RABGAP1L: variants seen among roughly 807,000 people sequenced by gnomAD.
The protein encoded by RABGAP1L is rab GTPase-activating protein 1-like.
Under a neutral mutation model 137.7 loss-of-function variants are expected in RABGAP1L, and 63 were observed. The observed-to-expected ratio is 0.46, with a 90% CI of 0.37 to 0.56. The LOEUF (loss-of-function observed/expected upper bound fraction) is 0.56, where lower values mean the gene tolerates loss of function less well. RABGAP1L is among the 20% of genes least tolerant of loss of function. The pLI, the probability that RABGAP1L is intolerant of heterozygous loss-of-function variation, is 0.00. For missense variants in RABGAP1L, 1,095 were observed against 1,244.0 expected (o/e 0.88, Z 1.80); for synonymous variants, 431 against 433.7 (o/e 0.99, Z 0.08).
At chr1:174,723,191 C>T (rs916071412) in intron 17 of RABGAP1L, among the ~76,000 whole-genome samples, 2 of 152,310 alleles carry the variant, frequency 1.3e-5, no homozygotes, top group Admixed American at 6.5e-5. Context: ...TCTCCTGCCT[C>T]AGCCTCCCAA....
intron 19 of RABGAP1L, among the ~76,000 whole-genome samples, chr1:174,885,267 TTTAAA>T (rs1654887693): frequency 1.3e-5 from 2 of 152,190 alleles, no homozygotes; most frequent in Non-Finnish European, 1.5e-5. Flanking sequence ...TAAGTTTAAA[TTTAAA>T]TTAAATCAGT....
chr1:174,238,437 A>G (rs1051275121), intron 4 of RABGAP1L, among the ~76,000 whole-genome samples: 29 of 152,112 alleles, frequency 1.9e-4, no homozygotes, highest in African/African-American at 7.0e-4. Context: ...TGATGTACAG[A>G]TGGGTTTTTG....
intron 13 of RABGAP1L, among the ~76,000 whole-genome samples, chr1:174,598,352 C>G (rs1670141262): frequency 6.9e-6 from 1 of 144,250 alleles, no homozygotes; most frequent in Admixed American, 6.9e-5. Flanking sequence ...AAAAAATGGT[C>G]TGTCTTTGAG....
chr1:174,778,086 A>G (rs1686673772), intron 18 of RABGAP1L, among the ~76,000 whole-genome samples: 1 of 152,196 alleles, frequency 6.6e-6, no homozygotes, highest in Non-Finnish European at 1.5e-5. Context: ...CAAAAGAAAT[A>G]TGAAGAAAAC....
At chr1:174,554,816 T>C (rs908169902) in intron 13 of RABGAP1L, among the ~76,000 whole-genome samples, 1 of 152,176 alleles carries the variant, frequency 6.6e-6, no homozygotes, top group Admixed American at 6.6e-5. Flanking sequence ...AAGTCATTTT[T>C]AAATTTAGTT....
At chr1:174,713,413 T>C (rs1680744660) in intron 17 of RABGAP1L, among the ~76,000 whole-genome samples, 1 of 152,232 alleles carries the variant, frequency 6.6e-6, no homozygotes, top group African/African-American at 2.4e-5. Flanking sequence ...TCTCCATTGC[T>C]GGAGGTGAGG....
At chr1:174,642,866 C>A (rs981818076) in intron 14 of RABGAP1L, among the ~76,000 whole-genome samples, 1 of 150,778 alleles carries the variant, frequency 6.6e-6, no homozygotes, top group Non-Finnish European at 1.5e-5. Context: ...TTCATTGCAA[C>A]TTCAGCATCC....
intron 13 of RABGAP1L, among the ~76,000 whole-genome samples, chr1:174,635,272 C>CTGCGGGCCA (rs1163349045): frequency 6.6e-6 from 1 of 152,026 alleles, no homozygotes; most frequent in African/African-American, 2.4e-5. Flanking sequence ...AAGAGTTATC[C>CTGCGGGCCA]TGCGGGCCAA....
chr1:174,745,548 T>C (rs770699936), intron 17 of RABGAP1L, among the ~76,000 whole-genome samples: 3 of 152,244 alleles, frequency 2.0e-5, no homozygotes, highest in Non-Finnish European at 4.4e-5. Context: ...TTTAGTCTGA[T>C]AGACCTGAGT....
At chr1:174,216,372 T>C (rs971563319) in intron 1 of RABGAP1L, among the ~76,000 whole-genome samples, 10 of 152,160 alleles carry the variant, frequency 6.6e-5, no homozygotes, top group African/African-American at 2.2e-4. Context: ...GTGATTATTA[T>C]GCATTTCATG....
rs1669930842 is a variant in RABGAP1L at position 174,969,282 on chromosome 1, G to T, written c.2439G>T (p.Glu813Asp). ...QEDPMDRYKRENRRLQEASMR... is the reference protein window; with the variant it reads ...QEDPMDRYKRDNRRLQEASMR... ...TGGCTATTGTTCTTCTGCAGAGGGAGAACCGAAGATTACAGGAGGCCAGCA... is the reference window on the plus strand; with the variant it reads ...TGGCTATTGTTCTTCTGCAGAGGGATAACCGAAGATTACAGGAGGCCAGCA... The change falls in exon 21 of 26, where the codon GAG becomes GAT. Residue 813 changes from glutamate (E) to aspartate (D), a missense_variant. Physicochemically the swap from Glu to Asp is conservative, Grantham distance 45 (BLOSUM62 2). Around this residue, in one of 4 missense-constraint regions of RABGAP1L, gnomAD observed 312 missense variants for 435.6 expected, o/e 0.72. Transcript: ENST00000681986. 1 of 1,550,522 alleles carries T rather than the reference G, an allele frequency of 6.4e-7. No individual in the cohort carries two copies. Among genetic ancestry groups the T allele is most frequent in the Admixed American group, 2.0e-5 (1 of 51,000 alleles).
intron 13 of RABGAP1L, among the ~76,000 whole-genome samples, chr1:174,459,187 C>T (rs1571904646): frequency 6.6e-6 from 1 of 152,142 alleles, no homozygotes; most frequent in East Asian, 1.9e-4. Context: ...AAAATTAAGC[C>T]ATTTTAAAAA....
rs1664234746 is a variant in RABGAP1L, at chr1:174,159,575, G to C, written c.-116G>C. On this transcript the variant is annotated 5_prime_UTR_variant, in exon 1 of 26. Transcript: ENST00000681986. ...GTGGCGGAGCGAACGGGACCGGCCC[G>C]GCTTCAGAGCGCGAGGTGGAGGGTG... 1 of 152,402 alleles carries C rather than the reference G, an allele frequency of 6.6e-6. No individual in the cohort carries two copies. Among genetic ancestry groups the C allele is most frequent in the Admixed American group, 6.5e-5 (1 of 15,288 alleles). The allele number at this position is 152,402 out of a possible 1,614,324, so 9.4% of individuals were successfully genotyped here.
At chr1:174,891,898 G>GA (rs1159447882) in intron 19 of RABGAP1L, among the ~76,000 whole-genome samples, 3 of 152,162 alleles carry the variant, frequency 2.0e-5, no homozygotes, top group African/African-American at 7.2e-5. Context: ...AATAAAAACT[G>GA]AAACACAGAA....
chr1:174,219,006 C>T (rs775279404), intron 1 of RABGAP1L, 119 bp from the exon 2 acceptor site: 4 of 755,596 alleles, frequency 5.3e-6, no homozygotes, highest in Non-Finnish European at 8.1e-6. Flanking sequence ...AGATAATTAT[C>T]TAGCCAGCAG....
intron 13 of RABGAP1L, among the ~76,000 whole-genome samples, chr1:174,597,338 A>C (rs112305430): frequency 1.5e-4 from 23 of 152,172 alleles, no homozygotes; most frequent in African/African-American, 4.8e-4. Context: ...TGAAGCCATC[A>C]TTTTCTGGGA....
At chr1:174,457,748 C>G (rs1656209640) in intron 13 of RABGAP1L, among the ~76,000 whole-genome samples, 1 of 152,106 alleles carries the variant, frequency 6.6e-6, no homozygotes, top group Non-Finnish European at 1.5e-5. Context: ...AGTGATCCAC[C>G]TGCCCTGGTC....
At chr1:174,604,180 C>A (rs1670613744) in intron 13 of RABGAP1L, among the ~76,000 whole-genome samples, 1 of 152,136 alleles carries the variant, frequency 6.6e-6, no homozygotes, top group South Asian at 2.1e-4. Context: ...GACCCCAAAG[C>A]ACTTTAGTTC....
intron 10 of RABGAP1L, among the ~76,000 whole-genome samples, chr1:174,286,520 TC>T (rs1206491793): frequency 6.6e-6 from 1 of 152,086 alleles, no homozygotes; most frequent in Non-Finnish European, 1.5e-5. Context: ...TTTAGTTTTG[TC>T]CATCTTTTCT....
Sources: allele counts gnomAD v4.1 joint callset (sites outside exome capture counted in the v4.1 genomes callset), GRCh38; gene constraint gnomAD v4.1.1; regional missense constraint gnomAD v4.1.1; transcripts MANE v1.5; gene names NCBI Gene and HGNC (gene_info 2026-07-23, HGNC 2026-07-21).